Variants in RUFY4 observed in about 807,000 individuals in gnomAD.
RUFY4 encodes the protein RUN and FYVE domain-containing protein 4.
RUFY4 carries 73 observed loss-of-function variants against 69.0 expected under a neutral mutation model. The ratio of observed to expected loss-of-function variants is 1.06; its 90% confidence interval spans 0.88 to 1.29. The LOEUF is 1.29. RUFY4 is among the 50% of genes most tolerant of loss of function. The pLI, the probability that RUFY4 is intolerant of heterozygous loss-of-function variation, is 0.00. For synonymous variants in RUFY4, 287 were observed against 271.8 expected (o/e 1.06, Z -0.55); for missense variants, 770 against 705.6 (o/e 1.09, Z -1.03).
chr2:218,079,894 C>T (rs1228781789), intron 8 of RUFY4, among the ~76,000 whole-genome samples: 1 of 152,086 alleles, frequency 6.6e-6, no homozygotes, highest in Non-Finnish European at 1.5e-5. Flanking sequence ...AGATAGCAAT[C>T]CAATGGCCAT....
chr2:218,050,913 A>G (rs1688928696), intron 2 of RUFY4, among the ~76,000 whole-genome samples: 1 of 152,258 alleles, frequency 6.6e-6, no homozygotes, highest in Admixed American at 6.5e-5. Context: ...TATTGTAAAT[A>G]AAAAACAAGG....
intron 2 of RUFY4, among the ~76,000 whole-genome samples, chr2:218,035,670 C>A (rs1958964479): frequency 1.3e-5 from 2 of 152,164 alleles, no homozygotes; most frequent in Non-Finnish European, 2.9e-5. Context: ...ATAAGGCCAC[C>A]TGCTCTCAGG....
chr2:218,040,198 C>G (rs999012383), intron 2 of RUFY4, among the ~76,000 whole-genome samples: 5 of 152,224 alleles, frequency 3.3e-5, no homozygotes, highest in African/African-American at 9.7e-5. Context: ...CAGCTTCACA[C>G]CTGGGACCCC....
At chr2:218,087,282 C>G (rs1283092236) in intron 9 of RUFY4, among the ~76,000 whole-genome samples, 2 of 151,980 alleles carry the variant, frequency 1.3e-5, no homozygotes, top group Non-Finnish European at 2.9e-5. Context: ...AAATATTGAC[C>G]TGGTGCAACT....
chr2:218,070,575 T>C, exon 1 of RUFY4: 1 of 1,534,182 alleles, frequency 6.5e-7, no homozygotes, highest in Non-Finnish European at 8.7e-7. Context: ...ACAGTCCAAG[T>C]TGCAAGGAAT....
exon 11 of RUFY4, chr2:218,090,043 C>G: frequency 6.5e-7 from 1 of 1,544,990 alleles, no homozygotes; most frequent in Non-Finnish European, 8.8e-7. Context: ...AAGAGAAGCC[C>G]AGGTCACCTG....
intron 8 of RUFY4, among the ~76,000 whole-genome samples, chr2:218,082,715 G>A (rs1027629949): frequency 6.6e-6 from 1 of 150,902 alleles, no homozygotes. Flanking sequence ...TTTATATGTT[G>A]TGTTGTTTGT....
At chr2:218,051,428 T>A (rs942181439) in intron 2 of RUFY4, among the ~76,000 whole-genome samples, 1 of 152,038 alleles carries the variant, frequency 6.6e-6, no homozygotes, top group Non-Finnish European at 1.5e-5. Context: ...ATTAAAGTTC[T>A]AATCAATATA....
At chr2:218,062,248 A>T (rs1315521175) in intron 3 of RUFY4, among the ~76,000 whole-genome samples, 1 of 151,690 alleles carries the variant, frequency 6.6e-6, no homozygotes, top group East Asian at 1.9e-4. Context: ...AAATATTTTA[A>T]AAAAAAAATT....
Position 218,089,213 on chromosome 2 carries a change from G to T in RUFY4, c.1503-39G>T, listed in dbSNP as rs781514630. The stretch of plus-strand genomic sequence containing the variant: ...TTCCCATTTCTATCTTTTGATCTCT[G>T]TCTCTGTCTGTGTCTCTCCACCTTC... On this transcript the variant is annotated intron_variant, in intron 9 of 10. Coordinates refer to ENST00000344321, the Ensembl canonical transcript of RUFY4. The T allele has an allele frequency of 6.6e-6, 10 of 1,509,326 alleles. No homozygotes were observed. In the South Asian group the frequency reaches 1.0e-4, roughly 16 times the overall value. 93.5% of individuals were successfully genotyped at this position (1,509,326 alleles called of 1,614,324 possible).
chr2:218,089,026 G>T (rs1208942687), intron 9 of RUFY4, among the ~76,000 whole-genome samples: 1 of 149,976 alleles, frequency 6.7e-6, no homozygotes, highest in African/African-American at 2.5e-5. Context: ...CCTCCCCATT[G>T]CTGTGTCTCT....
chr2:218,062,246 T>TAAA (rs1287070435), intron 3 of RUFY4, among the ~76,000 whole-genome samples: 6 of 149,924 alleles, frequency 4.0e-5, no homozygotes, highest in South Asian at 2.1e-4. Flanking sequence ...AAAAATATTT[T>TAAA]AAAAAAAAAA....
At chr2:218,067,587 A>T (rs1404472923), upstream of RUFY4, among the ~76,000 whole-genome samples, 2 of 152,180 alleles carry the variant, frequency 1.3e-5, no homozygotes, top group African/African-American at 2.4e-5. Context: ...ACCAGCTGGG[A>T]TGGAGCTTGT....
chr2:218,049,061 A>G (rs116119666), intron 2 of RUFY4, among the ~76,000 whole-genome samples: 2 of 152,196 alleles, frequency 1.3e-5, no homozygotes, highest in South Asian at 4.1e-4. Context: ...AGAAATCTAC[A>G]TGGGGGAAGT....
intron 2 of RUFY4, among the ~76,000 whole-genome samples, chr2:218,052,641 G>T (rs1688970349): frequency 6.6e-6 from 1 of 151,832 alleles, no homozygotes; most frequent in Admixed American, 6.6e-5. Context: ...AGCACCTGTA[G>T]TTCCAGCTAC....
intron 8 of RUFY4, among the ~76,000 whole-genome samples, chr2:218,080,572 G>A (rs1689738222): frequency 6.6e-6 from 1 of 152,198 alleles, no homozygotes; most frequent in Non-Finnish European, 1.5e-5. Context: ...TGCTCATGGG[G>A]CCATCTTTCC....
intron 8 of RUFY4, 91 bp downstream of exon 10, chr2:218,076,624 A>G: frequency 6.6e-7 from 1 of 1,510,084 alleles, no homozygotes; most frequent in Non-Finnish European, 8.9e-7. Flanking sequence ...TCTTGTGAGA[A>G]CCTCCCATGC....
chr2:218,049,511 C>CT (rs570156063), intron 2 of RUFY4, among the ~76,000 whole-genome samples: 8,382 of 142,824 alleles, frequency 0.059, 652 homozygotes, highest in African/African-American at 0.18. Context: ...TGTTTTAGGT[C>CT]TTTTTTTTTT....
At chr2:218,076,911 T>G (rs535237972) in intron 8 of RUFY4, among the ~76,000 whole-genome samples, 1 of 152,210 alleles carries the variant, frequency 6.6e-6, no homozygotes, top group African/African-American at 2.4e-5. Flanking sequence ...TCTGTCTCCC[T>G]TTTTTACTCA....
Sources: allele counts gnomAD v4.1 joint callset (sites outside exome capture counted in the v4.1 genomes callset), GRCh38; gene constraint gnomAD v4.1.1; transcripts MANE v1.5; gene names NCBI Gene and HGNC (gene_info 2026-07-23, HGNC 2026-07-21).